Variants in NRXN1 observed in about 807,000 individuals in gnomAD.
The protein encoded by NRXN1 is neurexin-1.
A neutral mutation model predicts 150.9 loss-of-function variants in NRXN1; 39 were observed. The ratio of observed to expected loss-of-function variants is 0.26; its 90% confidence interval spans 0.20 to 0.34. NRXN1 has a LOEUF of 0.34. Ranked by LOEUF, NRXN1 falls within the 10% of genes least tolerant of loss-of-function variation. The pLI is 1.00. For synonymous variants in NRXN1, 924 were observed against 757.0 expected (o/e 1.22, Z -3.62); for missense variants, 1,815 against 1,949.9 (o/e 0.93, Z 1.30).
intron 2 of NRXN1, among the ~76,000 whole-genome samples, chr2:51,003,773 T>A (rs943527139): frequency 6.6e-6 from 1 of 151,910 alleles, no homozygotes; most frequent in Non-Finnish European, 1.5e-5. Context: ...GAAGGAAAAG[T>A]TGACTAATTG....
chr2:50,277,188 A>G (rs2070603359), intron 17 of NRXN1, among the ~76,000 whole-genome samples: 1 of 152,228 alleles, frequency 6.6e-6, no homozygotes, highest in Non-Finnish European at 1.5e-5. Flanking sequence ...AGAAGATACA[A>G]ATAACTCAGG....
intron 17 of NRXN1, among the ~76,000 whole-genome samples, chr2:50,251,606 C>T (rs2067090801): frequency 6.6e-6 from 1 of 152,158 alleles, no homozygotes; most frequent in South Asian, 2.1e-4. Flanking sequence ...GGAATTGGCA[C>T]ACTGTCTTCC....
intron 2 of NRXN1, among the ~76,000 whole-genome samples, chr2:50,972,749 C>T (rs914552070): frequency 7.9e-5 from 12 of 152,102 alleles, no homozygotes; most frequent in African/African-American, 1.7e-4. Flanking sequence ...ACAGGGTTTG[C>T]GCTCTTATGA....
rs142344644 is a variant in NRXN1, at chr2:50,306,374, C to G, written c.3365-69404G>C. ...GAGACCCCTAAGAAAACAACTATTCCTTTAAAATCCAGCCTGAAAGTAGTG... is the reference window on the plus strand; with the variant it reads ...GAGACCCCTAAGAAAACAACTATTCGTTTAAAATCCAGCCTGAAAGTAGTG... On this transcript the variant is annotated intron_variant, in intron 17 of 22. Coordinates refer to ENST00000401669, the MANE Select transcript of NRXN1 (RefSeq NM_001330078.2). Among the ~76,000 whole-genome samples the G allele has an allele frequency of 7.9e-4, 121 of 152,282 alleles. 1 individual carries two copies. In the East Asian group the frequency reaches 0.019, roughly 25 times the overall value.
intron 2 of NRXN1, among the ~76,000 whole-genome samples, chr2:50,938,492 C>G (rs1486939604): frequency 2.0e-5 from 3 of 152,190 alleles, no homozygotes; most frequent in Non-Finnish European, 4.4e-5. Flanking sequence ...GCCCTCCAAA[C>G]TATTCCGATT....
intron 15 of NRXN1, among the ~76,000 whole-genome samples, chr2:50,484,384 C>T (rs185066664): frequency 3.6e-4 from 55 of 152,248 alleles, no homozygotes; most frequent in Middle Eastern, 6.8e-3. Flanking sequence ...TGTCTCCAAA[C>T]ACTTTGTTCT....
chr2:50,263,523 T>C (rs541095898), intron 17 of NRXN1, among the ~76,000 whole-genome samples: 24 of 152,038 alleles, frequency 1.6e-4, no homozygotes, highest in Non-Finnish European at 3.1e-4. Flanking sequence ...ATGTTATATA[T>C]AACAAATAGG....
At chr2:50,839,501 T>A (rs1672570208) in intron 5 of NRXN1, among the ~76,000 whole-genome samples, 1 of 152,144 alleles carries the variant, frequency 6.6e-6, no homozygotes, top group Non-Finnish European at 1.5e-5. Flanking sequence ...TTTCTGATGT[T>A]ACTTGTAGGA....
At chr2:50,194,109 C>T (rs1386809412) in intron 18 of NRXN1, among the ~76,000 whole-genome samples, 1 of 152,182 alleles carries the variant, frequency 6.6e-6, no homozygotes, top group Admixed American at 6.5e-5. Context: ...AACTACAACT[C>T]AGACCCAGGT....
chr2:49,943,590 C>G lies in NRXN1; in HGVS notation c.4216+114G>C. The G allele has an allele frequency of 4.1e-5, 30 of 727,856 alleles. 1 individual carries two copies. The South Asian group carries it at 4.6e-4, about 11-fold the overall frequency. The allele number at this position is 727,856 out of a possible 1,614,324, so 45.1% of individuals were successfully genotyped here. ...ATAAGAGTCCTCATCTCACAATCAACGATGGTATAGGAGGGTAGCCTTCTA... is the reference window on the plus strand; with the variant it reads ...ATAAGAGTCCTCATCTCACAATCAAGGATGGTATAGGAGGGTAGCCTTCTA... On this transcript the variant is annotated intron_variant, in intron 22 of 22. Transcript: ENST00000401669.
intron 5 of NRXN1, among the ~76,000 whole-genome samples, chr2:50,714,653 T>C (rs866565447): frequency 3.3e-5 from 5 of 152,222 alleles, no homozygotes; most frequent in South Asian, 2.1e-4. Context: ...CCAGGAAGAA[T>C]CAAAATATAC....
At chr2:50,718,834 C>T (rs887345324) in intron 5 of NRXN1, among the ~76,000 whole-genome samples, 2 of 152,054 alleles carry the variant, frequency 1.3e-5, no homozygotes, top group African/African-American at 4.8e-5. Context: ...TTCCTTCCCT[C>T]CCTTCCTCTC....
chr2:50,163,164 G>GTATATATATA lies in NRXN1; in HGVS notation c.3547-71680_3547-71671dup, dbSNP rs59163565. 8.0e-3 allele frequency among the ~76,000 whole-genome samples: 1,131 copies of GTATATATATA among 141,738 alleles called. 13 individuals are homozygous for GTATATATATA. Among genetic ancestry groups the GTATATATATA allele is most frequent in the Middle Eastern group, 0.024 (6 of 246 alleles). The allele number at this position is 141,738 out of a possible 152,430, so 93.0% of individuals were successfully genotyped here. On this transcript the variant is annotated intron_variant, in intron 18 of 22. Transcript: ENST00000401669. ...AGTTATAGATCTATCAATCCAAAATGTATATATATATATATATATATAAAA... is the reference window on the plus strand; with the variant it reads ...AGTTATAGATCTATCAATCCAAAATGTATATATATATATATATATATATATATATATAAAA...
intron 18 of NRXN1, among the ~76,000 whole-genome samples, chr2:50,198,320 G>C (rs983850033): frequency 1.3e-5 from 2 of 152,064 alleles, no homozygotes; most frequent in African/African-American, 4.8e-5. Context: ...GGATGAGTGA[G>C]GCACCAGGGG....
At chr2:50,661,510 T>C (rs572516485) in intron 5 of NRXN1, among the ~76,000 whole-genome samples, 1 of 152,192 alleles carries the variant, frequency 6.6e-6, no homozygotes, top group African/African-American at 2.4e-5. Flanking sequence ...TATTAATGGC[T>C]TCCACTTTTC....
chr2:50,173,279 G>C (rs2060141295), intron 18 of NRXN1, among the ~76,000 whole-genome samples: 1 of 152,094 alleles, frequency 6.6e-6, no homozygotes, highest in South Asian at 2.1e-4. Flanking sequence ...CAATATGAAA[G>C]CAACTTAAGT....
intron 8 of NRXN1, among the ~76,000 whole-genome samples, chr2:50,590,132 G>A (rs1673895445): frequency 6.6e-6 from 1 of 152,150 alleles, no homozygotes; most frequent in Non-Finnish European, 1.5e-5. Context: ...CCTTGTAAAT[G>A]TAAAATGCTA....
chr2:50,413,833 T>C (rs1381863558), intron 17 of NRXN1, among the ~76,000 whole-genome samples: 5 of 152,172 alleles, frequency 3.3e-5, no homozygotes, highest in Non-Finnish European at 7.3e-5. Flanking sequence ...ATATACATAA[T>C]GGACTACTGT....
intron 8 of NRXN1, among the ~76,000 whole-genome samples, chr2:50,576,761 A>G (rs1413277259): frequency 6.6e-6 from 1 of 152,058 alleles, no homozygotes; most frequent in East Asian, 1.9e-4. Flanking sequence ...CCTTTTTTAA[A>G]GCATTGTCAA....
Sources: gnomAD v4.1 joint callset for allele counts (sites outside exome capture counted in the v4.1 genomes callset) on GRCh38, gnomAD v4.1.1 for gene constraint, MANE v1.5 for transcripts, NCBI Gene and HGNC (gene_info 2026-07-23, HGNC 2026-07-21) for gene names.